The following RBM33 variants were observed in gnomAD, a reference collection of about 807,000 sequenced individuals.
The protein encoded by RBM33 is RNA binding motif protein 33, also known as RNA-binding protein 33.
Under a neutral mutation model 132.6 loss-of-function variants are expected in RBM33, and 28 were observed. The observed-to-expected ratio is 0.21, with a 90% confidence interval of 0.16 to 0.29. The LOEUF is 0.29. RBM33 is among the 10% of genes least tolerant of loss of function. The pLI, the probability that RBM33 is intolerant of heterozygous loss-of-function variation, is 1.00. For synonymous variants in RBM33, 634 were observed against 593.0 expected (o/e 1.07, Z -1.01); for missense variants, 1,291 against 1,518.5 (o/e 0.85, Z 2.49).
chr7:155,738,588 GAAA>G (rs912271953), intron 11 of RBM33, 185 bp downstream of exon 11: 2 of 608,732 alleles, frequency 3.3e-6, no homozygotes, highest in Admixed American at 6.8e-5. Flanking sequence ...CTCAATACAA[GAAA>G]AAAATGGGAA....
intron 1 of RBM33, among the ~76,000 whole-genome samples, chr7:155,658,384 ATTTTTTTT>A (rs71303950): frequency 1.6e-5 from 2 of 122,876 alleles, no homozygotes; most frequent in South Asian, 2.6e-4. Context: ...ATATAGTTGG[ATTTTTTTT>A]TTTTTTTTTT....
chr7:155,662,527 C>A (rs571702649), intron 1 of RBM33, among the ~76,000 whole-genome samples: 42 of 152,220 alleles, frequency 2.8e-4, no homozygotes, highest in African/African-American at 8.4e-4. Context: ...CCGCCCCCCC[C>A]GCTCTGAGCC....
intron 5 of RBM33, among the ~76,000 whole-genome samples, chr7:155,697,301 A>G (rs149050444): frequency 1.3e-5 from 2 of 152,262 alleles, no homozygotes; most frequent in East Asian, 1.9e-4. Flanking sequence ...GTTGTGATGT[A>G]TTATCCTTTT....
chr7:155,694,270 T>C (rs1166614000), intron 5 of RBM33, among the ~76,000 whole-genome samples: 1 of 152,254 alleles, frequency 6.6e-6, no homozygotes, highest in African/African-American at 2.4e-5. Context: ...AAGTTAGATC[T>C]AATTATAAAG....
At chr7:155,664,563 C>T (rs1302915188) in intron 1 of RBM33, among the ~76,000 whole-genome samples, 3 of 152,072 alleles carry the variant, frequency 2.0e-5, no homozygotes, top group South Asian at 2.1e-4. Context: ...TGAGCCACCG[C>T]GCCCAGCCAT....
intron 6 of RBM33, among the ~76,000 whole-genome samples, chr7:155,705,800 T>C (rs1223784606): frequency 6.6e-6 from 1 of 152,238 alleles, no homozygotes; most frequent in Non-Finnish European, 1.5e-5. Context: ...CCATGTTTTC[T>C]GTATCCCTAA....
intron 15 of RBM33, among the ~76,000 whole-genome samples, chr7:155,764,282 C>T (rs10260063): frequency 0.016 from 2,493 of 152,270 alleles, 63 homozygotes; most frequent in African/African-American, 0.056. Flanking sequence ...TCTGAACTGT[C>T]GACCCAGCAG....
chr7:155,741,729 T>C, intron 12 of RBM33, 90 bp from the exon 13 acceptor site: 1 of 1,212,224 alleles, frequency 8.2e-7, no homozygotes, highest in Non-Finnish European at 1.2e-6. Context: ...TTAGAATGAT[T>C]TATTGTGTTT....
intron 5 of RBM33, among the ~76,000 whole-genome samples, chr7:155,684,338 C>A (rs1365452198): frequency 6.6e-6 from 1 of 152,030 alleles, no homozygotes; most frequent in East Asian, 1.9e-4. Flanking sequence ...GCCCTTTTTT[C>A]TTCTCTGCAG....
At chr7:155,668,371 G>T (rs929396506) in intron 2 of RBM33, among the ~76,000 whole-genome samples, 1 of 152,118 alleles carries the variant, frequency 6.6e-6, no homozygotes. Flanking sequence ...GCAAGGTAGC[G>T]TGTCTTCTAG....
chr7:155,657,317 CAG>C (rs1278879642), intron 1 of RBM33, among the ~76,000 whole-genome samples: 1 of 152,138 alleles, frequency 6.6e-6, no homozygotes, highest in Non-Finnish European at 1.5e-5. Flanking sequence ...GAGATGAACA[CAG>C]GGATTCCTAA....
chr7:155,718,356 G>A (rs1384232578), intron 8 of RBM33, 29 bp from the exon 9 acceptor site: 1 of 1,602,484 alleles, frequency 6.2e-7, no homozygotes, highest in South Asian at 1.1e-5. Context: ...AGTAAAGTGT[G>A]TCTCTAACAC....
chr7:155,702,014 A>G (rs1799980358), intron 6 of RBM33, among the ~76,000 whole-genome samples: 2 of 152,156 alleles, frequency 1.3e-5, no homozygotes, highest in South Asian at 2.1e-4. Context: ...ATGAGTTCCC[A>G]TGCAATGCTG....
intron 14 of RBM33, 61 bp from the exon 15 acceptor site, chr7:155,763,751 T>A: frequency 6.7e-7 from 1 of 1,503,726 alleles, no homozygotes; most frequent in Middle Eastern, 1.7e-4. Flanking sequence ...TTCCTAATGC[T>A]GGGGAGGAGC....
Position 155,678,644 on chromosome 7 carries a change from G to T in RBM33, c.208G>T (p.Asp70Tyr). The T allele has an allele frequency of 6.3e-7, 1 of 1,582,088 alleles. No individual in the cohort carries two copies. The highest frequency in any genetic ancestry group is 1.1e-5 in the South Asian group (1 of 86,998). ...TTTGTCAGATGAAGAGCTAAATGAT[G>T]ATCTTTTGCAGAGTGATAATGAAGA... ...SDLSDEELND[D>Y]LLQSDNEDEE... Residue 70 changes from aspartate (D) to tyrosine (Y), a missense_variant, in exon 4 of 18, where the codon GAT (aspartate) becomes TAT (tyrosine). Transcript: ENST00000401878.
intron 2 of RBM33, among the ~76,000 whole-genome samples, chr7:155,672,445 T>C (rs1340167040): frequency 6.6e-6 from 1 of 152,142 alleles, no homozygotes; most frequent in Non-Finnish European, 1.5e-5. Flanking sequence ...GAGGAAAGCA[T>C]AGCAAACTTA....
chr7:155,775,175 C>G lies in RBM33; in HGVS notation c.*134C>G, dbSNP rs1470995805. On this transcript the variant is annotated 3_prime_UTR_variant, in exon 18 of 18. Coordinates refer to ENST00000401878, the MANE Select transcript of RBM33 (RefSeq NM_053043.3). ...TGTCCTGCGTAACTGTTCTCCAGAG[C>G]GCCAGCCAGCCACGGGCCTGATTCC... 1 of 806,318 alleles carries G rather than the reference C, an allele frequency of 1.2e-6. No homozygotes were observed. The allele number at this position is 806,318 out of a possible 1,614,324, so 49.9% of individuals were successfully genotyped here. A position where few individuals can be genotyped will look rare whatever the true frequency, so the allele number is the denominator to read the frequency against.
chr7:155,666,929 A>G (rs1186298644), intron 2 of RBM33, among the ~76,000 whole-genome samples: 2 of 152,336 alleles, frequency 1.3e-5, no homozygotes, highest in East Asian at 1.9e-4. Flanking sequence ...AACATGAACA[A>G]AAATGTATTT....
intron 1 of RBM33, among the ~76,000 whole-genome samples, chr7:155,650,932 T>C (rs1317468659): frequency 6.6e-6 from 1 of 152,166 alleles, no homozygotes; most frequent in African/African-American, 2.4e-5. Context: ...TGGAGTGTTG[T>C]AGTGGTGTGA....
Sources: allele counts gnomAD v4.1 joint callset (sites outside exome capture counted in the v4.1 genomes callset), GRCh38; gene constraint gnomAD v4.1.1; transcripts MANE v1.5; gene names NCBI Gene and HGNC (gene_info 2026-07-23, HGNC 2026-07-21).